ZSCAN1: variants seen among roughly 807,000 people sequenced by gnomAD.
ZSCAN1 encodes zinc finger and SCAN domain containing 1.
ZSCAN1 carries 23 observed loss-of-function variants against 23.8 expected under a neutral mutation model. The ratio of observed to expected loss-of-function variants is 0.97; its 90% CI spans 0.70 to 1.37. The LOEUF (loss-of-function observed/expected upper bound fraction) is 1.37, where lower values mean the gene tolerates loss of function less well. Ranked by LOEUF, ZSCAN1 falls within the 40% of genes most tolerant of loss-of-function variation. The probability of loss-of-function intolerance (pLI) is 0.00; values close to 1 mark genes in which losing one functional copy is unlikely to be tolerated. For synonymous variants in ZSCAN1, 236 were observed against 232.3 expected (o/e 1.02, Z -0.15); for missense variants, 575 against 554.0 (o/e 1.04, Z -0.38).
In ZSCAN1 at chr19:58,054,215, G is replaced by T; in HGVS notation, c.*164G>T. 1.0e-6 allele frequency: 1 copy of T among 965,314 alleles called. No individual in the cohort carries two copies. The highest frequency in any genetic ancestry group is 2.1e-5 in the South Asian group (1 of 47,738). 59.8% of individuals were successfully genotyped at this position (965,314 alleles called of 1,614,324 possible). On this transcript the variant is annotated 3_prime_UTR_variant, in exon 6 of 6. Coordinates refer to ENST00000282326, the MANE Select transcript of ZSCAN1 (RefSeq NM_182572.4). The surrounding 1 kb of genome is among the most constrained non-coding windows in gnomAD (Gnocchi z 4.2). ...TCGGAAGACCCTGGACACCTGCTCC[G>T]AAGCCAAGCACGGGATGGGGCTTCC...
At chr19:58,048,060 G>A (rs1384686450) in intron 4 of ZSCAN1, among the ~76,000 whole-genome samples, 5 of 152,352 alleles carry the variant, frequency 3.3e-5, no homozygotes, top group East Asian at 3.9e-4. Flanking sequence ...AAGCAGCTGC[G>A]CTCAGACGAT....
At position 58,038,052 on chromosome 19, in the gene ZSCAN1, C is replaced by A; in HGVS notation, c.216C>A (p.Arg72=). 1 of 1,611,946 alleles carries A rather than the reference C, an allele frequency of 6.2e-7. No homozygotes were observed. Among genetic ancestry groups the A allele is most frequent in the Non-Finnish European group, 8.5e-7 (1 of 1,179,774 alleles). The change falls in exon 3 of 6, where the codon CGC becomes CGA. Residue 72 remains arginine (R), a synonymous_variant. Coordinates refer to ENST00000282326, the MANE Select transcript of ZSCAN1 (RefSeq NM_182572.4). ...LCRQWLRPEA[R]SKEQMLELLV... ...GCCAGTGGCTGAGGCCCGAGGCGCG[C>A]TCCAAGGAGCAGATGCTGGAGCTGC...
chr19:58,054,289 C>G lies in ZSCAN1; in HGVS notation c.*238C>G, dbSNP rs2073878823. ...AGTTCCACAGCACAGCCTGGTCAGT[C>G]CTGCGCACTATAGTTTTGCAAGTGG... On this transcript the variant is annotated 3_prime_UTR_variant, in exon 6 of 6. Transcript: ENST00000282326. This position sits in a 1 kb window ranked among gnomAD's most constrained non-coding sequence, Gnocchi z 4.2. The G allele has an allele frequency of 4.1e-6, 2 of 482,784 alleles. No individual in the cohort carries two copies. The highest frequency in any genetic ancestry group is 3.6e-6 in the Non-Finnish European group (1 of 279,872). 29.9% of individuals were successfully genotyped at this position (482,784 alleles called of 1,614,324 possible). A position where few individuals can be genotyped will look rare whatever the true frequency, so the allele number is the denominator to read the frequency against.
At chr19:58,035,592 C>T (rs2073729019) in intron 1 of ZSCAN1, 1 of 152,210 alleles carries the variant, frequency 6.6e-6, no homozygotes, top group African/African-American at 2.4e-5. Context: ...AAAATAGGCC[C>T]TTTTTTCTTA....
At chr19:58,052,161 G>A (rs192481573) in intron 4 of ZSCAN1, among the ~76,000 whole-genome samples, 4 of 152,270 alleles carry the variant, frequency 2.6e-5, no homozygotes, top group Admixed American at 2.0e-4. Context: ...AATGATCAAC[G>A]ATCTTTGAAC....
intron 3 of ZSCAN1, among the ~76,000 whole-genome samples, chr19:58,039,891 TTTTC>T (rs993215236): frequency 5.3e-5 from 8 of 152,228 alleles, no homozygotes; most frequent in Admixed American, 4.6e-4. Flanking sequence ...GATCTTGAAT[TTTTC>T]TTTTTTTAAT....
Position 58,040,434 on chromosome 19 carries a change from C to A in ZSCAN1, c.371-16C>A. ...GGAAGAACAGGCCCCTCTCACGATC[C>A]CTTTCTCCCGCACAGTTCTGGTATC... On this transcript the variant is annotated splice_polypyrimidine_tract_variant and intron_variant, in intron 3 of 5. Coordinates refer to ENST00000282326, the MANE Select transcript of ZSCAN1 (RefSeq NM_182572.4). The surrounding 1 kb of genome is among the most constrained non-coding windows in gnomAD (Gnocchi z 5.8). 5 of 1,613,094 alleles carry A rather than the reference C, an allele frequency of 3.1e-6. No homozygotes were observed. The highest frequency in any genetic ancestry group is 4.2e-6 in the Non-Finnish European group (5 of 1,179,666).
intron 4 of ZSCAN1, among the ~76,000 whole-genome samples, chr19:58,044,101 T>C (rs151003381): frequency 0.026 from 3,905 of 151,726 alleles, 173 homozygotes; most frequent in African/African-American, 0.087. Context: ...TGGAACCTCG[T>C]CTCTACTAAA....
At chr19:58,037,062 G>C (rs2073742623) in intron 2 of ZSCAN1, among the ~76,000 whole-genome samples, 1 of 152,018 alleles carries the variant, frequency 6.6e-6, no homozygotes, top group Non-Finnish European at 1.5e-5. Flanking sequence ...CCTCTTCCTG[G>C]TCTCCACCCC....
At chr19:58,044,271 TCAAAA>T (rs755442932) in intron 4 of ZSCAN1, among the ~76,000 whole-genome samples, 57 of 149,466 alleles carry the variant, frequency 3.8e-4, no homozygotes, top group African/African-American at 1.3e-3. Context: ...AAACTCCGTC[TCAAAA>T]CAAAACAAAA....
intron 3 of ZSCAN1, chr19:58,038,551 A>G (rs993512050): frequency 1.9e-6 from 1 of 539,172 alleles, no homozygotes; most frequent in Non-Finnish European, 3.2e-6. Flanking sequence ...CTCCTGCAAC[A>G]CTCAGGAATC....
chr19:58,038,303 C>T (rs1254552446), intron 3 of ZSCAN1, 97 bp downstream of exon 3: 1 of 1,475,738 alleles, frequency 6.8e-7, no homozygotes, highest in Non-Finnish European at 9.1e-7. Flanking sequence ...GCTCCCACCC[C>T]TGCCCGGCCC....
At chr19:58,034,758 C>A (rs76314305) in intron 1 of ZSCAN1, among the ~76,000 whole-genome samples, 5 of 132,888 alleles carry the variant, frequency 3.8e-5, no homozygotes, top group African/African-American at 1.4e-4. Flanking sequence ...ACCCCACCAT[C>A]CTCCCCCCAA....
intron 4 of ZSCAN1, chr19:58,046,348 GA>G: frequency 4.3e-6 from 4 of 936,568 alleles, no homozygotes; most frequent in Non-Finnish European, 7.1e-6. Flanking sequence ...GACTGGTGAA[GA>G]AAAATACATG....
In ZSCAN1 at chr19:58,037,997, T is replaced by TGG. The variant is rs1568601333; in HGVS notation, c.161_162insGG (p.Leu56ArgfsTer13). Reference sequence around the variant, plus strand: ...TACCACGTGGCGAGCGGGCCGCACCTCGCGCTGGGCCAGCTCTGGACGCTG... The same window carrying TGG: ...TACCACGTGGCGAGCGGGCCGCACCTGGCGCGCTGGGCCAGCTCTGGACGCTG... On this transcript the variant is annotated frameshift_variant, in exon 3 of 6. Coordinates refer to ENST00000282326, the MANE Select transcript of ZSCAN1 (RefSeq NM_182572.4). LOFTEE classifies it high-confidence loss of function. 2 of 1,609,094 alleles carry TGG rather than the reference T, an allele frequency of 1.2e-6. No homozygotes were observed. The highest frequency in any genetic ancestry group is 3.3e-5 in the Admixed American group (2 of 59,906).
chr19:58,051,917 C>A (rs2123443489), intron 4 of ZSCAN1, among the ~76,000 whole-genome samples: 5 of 152,368 alleles, frequency 3.3e-5, no homozygotes, highest in Admixed American at 3.3e-4. Context: ...ACAGCTCAGT[C>A]TCCTCCCAGG....
rs1203765662 is a variant in ZSCAN1 at position 58,045,029 on chromosome 19, T to C, written c.465+4485T>C. The C allele has an allele frequency of 8.9e-7, 1 of 1,124,448 alleles. No individual in the cohort carries two copies. The highest frequency in any genetic ancestry group is 1.4e-6 in the Non-Finnish European group (1 of 739,622). The allele number at this position is 1,124,448 out of a possible 1,614,324, so 69.7% of individuals were successfully genotyped here. The stretch of plus-strand genomic sequence containing the variant: ...GTGTACAGCGCCCCCGCAGAGATGG[T>C]GGTGAAGTCCCGGGGGCAGAGAGGG... On this transcript the variant is annotated intron_variant, in intron 4 of 5. Transcript: ENST00000282326. This position sits in a 1 kb window ranked among gnomAD's most constrained non-coding sequence, Gnocchi z 4.3.
Position 58,045,210 on chromosome 19 carries a change from C to G in ZSCAN1, c.465+4666C>G. 1 of 852,332 alleles carries G rather than the reference C, an allele frequency of 1.2e-6. No individual in the cohort carries two copies. Among genetic ancestry groups the G allele is most frequent in the Non-Finnish European group, 2.1e-6 (1 of 486,028 alleles). 52.8% of individuals were successfully genotyped at this position (852,332 alleles called of 1,614,324 possible). On this transcript the variant is annotated intron_variant, in intron 4 of 5. Coordinates refer to ENST00000282326, the MANE Select transcript of ZSCAN1 (RefSeq NM_182572.4). This position sits in a 1 kb window ranked among gnomAD's most constrained non-coding sequence, Gnocchi z 4.3. ...CCGGTTCTGTGCCGACCTCTTCCGC[C>G]TGGTGCCGTTCCTCCTGTTCGTGGT...
intron 4 of ZSCAN1, chr19:58,046,198 A>C: frequency 1.3e-6 from 1 of 761,328 alleles, no homozygotes; most frequent in South Asian, 1.4e-5. Context: ...GGAGGAGATC[A>C]GCATCCTCAG....
Sources: allele counts gnomAD v4.1 joint callset (sites outside exome capture counted in the v4.1 genomes callset), GRCh38; gene constraint gnomAD v4.1.1; non-coding constraint Gnocchi (gnomAD v3.1); transcripts MANE v1.5; gene names NCBI Gene and HGNC (gene_info 2026-07-23, HGNC 2026-07-21).